CSDC2: variants seen among roughly 807,000 people sequenced by gnomAD.
The protein encoded by CSDC2 is cold shock domain containing C2.
In CSDC2, 8 loss-of-function variants were observed where a neutral mutation model predicts 15.8. The ratio of observed to expected loss-of-function variants is 0.51; its 90% CI spans 0.30 to 0.92. CSDC2 has a LOEUF of 0.92. Ranked by LOEUF, CSDC2 falls within the 40% of genes least tolerant of loss-of-function variation. CSDC2 has a pLI of 0.07. For missense variants in CSDC2, 195 were observed against 213.3 expected (o/e 0.91, Z 0.53); for synonymous variants, 96 against 92.3 (o/e 1.04, Z -0.23).
Position 41,564,293 on chromosome 22 carries a change from T to C in CSDC2, c.-124+3110T>C, listed in dbSNP as rs1459051089. 2.0e-5 allele frequency among the ~76,000 whole-genome samples: 3 copies of C among 150,860 alleles called. No individual in the cohort carries two copies. The Admixed American group carries it at 2.0e-4, about 10-fold the overall frequency. On this transcript the variant is annotated intron_variant, in intron 1 of 3. Transcript: ENST00000306149. ...TATTGTTTTTGAGACAGAGTCTTGCTGTGTCGCCCAGGCTGGAGTGCAGTG... is the reference window on the plus strand; with the variant it reads ...TATTGTTTTTGAGACAGAGTCTTGCCGTGTCGCCCAGGCTGGAGTGCAGTG...
At position 41,571,991 on chromosome 22, in the gene CSDC2, C is replaced by A. The variant is rs1256552202; in HGVS notation, c.26C>A (p.Pro9Gln). 14 of 1,364,188 alleles carry A rather than the reference C, an allele frequency of 1.0e-5. No homozygotes were observed. Among genetic ancestry groups the A allele is most frequent in the East Asian group, 3.0e-5 (1 of 32,872 alleles). The allele number at this position is 1,364,188 out of a possible 1,614,324, so 84.5% of individuals were successfully genotyped here. Residue 9 changes from proline (P) to glutamine (Q), a missense_variant, in exon 2 of 4, where the codon CCA becomes CAA. Coordinates refer to ENST00000306149, the MANE Select transcript of CSDC2 (RefSeq NM_014460.4). MTSESTSP[P>Q]VVPPLHSPKS... ...ATGACTTCAGAGTCGACGTCACCCC[C>A]AGTTGTGCCCCCGCTCCACTCCCCC...
At chr22:41,563,387 A>G (rs1421534432) in intron 1 of CSDC2, among the ~76,000 whole-genome samples, 1 of 152,140 alleles carries the variant, frequency 6.6e-6, no homozygotes, top group African/African-American at 2.4e-5. Context: ...ATGTTCGGGA[A>G]GCCCTTCCAG....
At chr22:41,573,094 C>T (rs2067156557) in intron 2 of CSDC2, among the ~76,000 whole-genome samples, 1 of 152,150 alleles carries the variant, frequency 6.6e-6, no homozygotes, top group South Asian at 2.1e-4. Context: ...CCTGTAATCC[C>T]AGCACTTTGG....
In CSDC2 at chr22:41,575,120, G is replaced by C; in HGVS notation, c.*225G>C. The C allele has an allele frequency of 1.7e-6, 1 of 604,204 alleles. No homozygotes were observed. Among genetic ancestry groups the C allele is most frequent in the Non-Finnish European group, 2.9e-6 (1 of 346,120 alleles). 37.4% of individuals were successfully genotyped at this position (604,204 alleles called of 1,614,324 possible). A position where few individuals can be genotyped will look rare whatever the true frequency, so the allele number is the denominator to read the frequency against. On this transcript the variant is annotated 3_prime_UTR_variant, in exon 4 of 4. Coordinates refer to ENST00000306149, the MANE Select transcript of CSDC2 (RefSeq NM_014460.4). Reference sequence around the variant, plus strand: ...GGCCAGGAGGTAGGTGGAGGGCAAGGCCACCAGACCTGGCTTCGCGCTGTC... The same window carrying C: ...GGCCAGGAGGTAGGTGGAGGGCAAGCCCACCAGACCTGGCTTCGCGCTGTC...
chr22:41,573,838 A>G (rs1052442682), intron 3 of CSDC2, 61 bp downstream of exon 3: 9 of 1,562,386 alleles, frequency 5.8e-6, no homozygotes, highest in South Asian at 3.5e-5. Context: ...TGGTGCCTCA[A>G]AAATGGCTCT....
intron 1 of CSDC2, among the ~76,000 whole-genome samples, chr22:41,570,766 G>A (rs1483178355): frequency 1.4e-5 from 2 of 145,352 alleles, no homozygotes; most frequent in African/African-American, 2.6e-5. Context: ...AAGTGACAGT[G>A]AGCCGAGATC....
Position 41,575,251 on chromosome 22 carries a change from A to G in CSDC2, c.*356A>G, listed in dbSNP as rs2067169372. On this transcript the variant is annotated 3_prime_UTR_variant, in exon 4 of 4. Coordinates refer to ENST00000306149, the MANE Select transcript of CSDC2 (RefSeq NM_014460.4). ...AGCTGCGAGAGCCTGCGCTGGGCTC[A>G]CTCCCTGGCCTCCGCCCCTGAGCTG... is the stretch of plus-strand genomic sequence containing the variant. The G allele has an allele frequency of 6.4e-6, 2 of 313,516 alleles. No individual in the cohort carries two copies. Among genetic ancestry groups the G allele is most frequent in the Non-Finnish European group, 1.2e-5 (2 of 165,692 alleles). The allele number at this position is 313,516 out of a possible 1,614,324, so 19.4% of individuals were successfully genotyped here. A position where few individuals can be genotyped will look rare whatever the true frequency, so the allele number is the denominator to read the frequency against.
intron 1 of CSDC2, among the ~76,000 whole-genome samples, chr22:41,565,723 AC>A (rs1339293223): frequency 9.8e-5 from 15 of 152,342 alleles, no homozygotes; most frequent in Admixed American, 9.8e-4. Context: ...AGGCTGAGTC[AC>A]CACCCAGAGT....
At chr22:41,567,488 C>T (rs2067122215) in intron 1 of CSDC2, among the ~76,000 whole-genome samples, 1 of 152,250 alleles carries the variant, frequency 6.6e-6, no homozygotes, top group African/African-American at 2.4e-5. Flanking sequence ...TTCACTTGCC[C>T]TCTTTGGCAG....
intron 1 of CSDC2, among the ~76,000 whole-genome samples, chr22:41,565,888 C>T (rs2067111181): frequency 6.6e-6 from 1 of 152,188 alleles, no homozygotes; most frequent in African/African-American, 2.4e-5. Flanking sequence ...AAACTCAGGG[C>T]CGGGGGACAG....
intron 1 of CSDC2, among the ~76,000 whole-genome samples, chr22:41,567,516 G>C (rs536468837): frequency 6.6e-6 from 1 of 152,210 alleles, no homozygotes; most frequent in African/African-American, 2.4e-5. Flanking sequence ...CTGGAGAGGG[G>C]GTCTGAACTG....
chr22:41,566,500 G>A (rs941248528), intron 1 of CSDC2, among the ~76,000 whole-genome samples: 3 of 148,664 alleles, frequency 2.0e-5, no homozygotes, highest in Admixed American at 6.8e-5. Context: ...GGTGGTGGGC[G>A]TCTGTAATCC....
chr22:41,573,765 T>C lies in CSDC2; in HGVS notation c.287T>C (p.Val96Ala), dbSNP rs1569049597. 2.5e-6 allele frequency: 4 copies of C among 1,613,372 alleles called. No homozygotes were observed. Among genetic ancestry groups the C allele is most frequent in the East Asian group, 2.2e-5 (1 of 44,844 alleles). The change falls in exon 3 of 4, where the codon GTA becomes GCA. Residue 96 changes from valine (V) to alanine (A), a missense_variant. Transcript: ENST00000306149. ...TPENGSEDIF[V>A]HVSDIEGEYV... ...GAGAACGGGTCCGAGGACATCTTCG[T>C]ACATGTGTCTGAGTGAGTCCCCTCC... is the stretch of plus-strand genomic sequence containing the variant.
At chr22:41,572,363 C>CCCACCCATCCATCCATCCATCCAT (rs2067150003) in intron 2 of CSDC2, among the ~76,000 whole-genome samples, 6 of 50,850 alleles carry the variant, frequency 1.2e-4, no homozygotes, top group South Asian at 7.7e-4. Context: ...CACCCACCCA[C>CCCACCCATCCATCCATCCATCCAT]CCACCCACCC....
rs1469057327 is a variant in CSDC2 at position 41,561,765 on chromosome 22, AC to A, written c.-124+586del. Among the ~76,000 whole-genome samples, 13 of 152,166 alleles carry A rather than the reference AC, an allele frequency of 8.5e-5. No individual in the cohort carries two copies. In the South Asian group the frequency reaches 1.9e-3, roughly 22 times the overall value. ...ATTCTCTTCCCCCAGGTACCACCCC[AC>A]CCCGAGCCCTTGCTTCTTGCCTGCC... On this transcript the variant is annotated intron_variant, in intron 1 of 3. Transcript: ENST00000306149.
At chr22:41,569,252 CT>C (rs1000339302) in intron 1 of CSDC2, among the ~76,000 whole-genome samples, 1 of 152,176 alleles carries the variant, frequency 6.6e-6, no homozygotes, top group African/African-American at 2.4e-5. Flanking sequence ...GCCCCGTCTT[CT>C]TTTTTTTGGT....
At chr22:41,569,000 C>T (rs751315998) in intron 1 of CSDC2, among the ~76,000 whole-genome samples, 1 of 152,264 alleles carries the variant, frequency 6.6e-6, no homozygotes, top group African/African-American at 2.4e-5. Context: ...CCTCTCCATC[C>T]TCCTCTTCCC....
intron 3 of CSDC2, 35 bp downstream of exon 3, chr22:41,573,812 G>A: frequency 6.3e-7 from 1 of 1,595,540 alleles, no homozygotes; most frequent in South Asian, 1.1e-5. Flanking sequence ...CTTGGCCCCT[G>A]CCCTAGTGTC....
At chr22:41,573,549 T>A in intron 2 of CSDC2, 106 bp from the exon 3 acceptor site, 2 of 1,373,944 alleles carry the variant, frequency 1.5e-6, no homozygotes, top group East Asian at 4.8e-5. Context: ...GGGTCAAGTT[T>A]CTCACAGCCC....
Sources: gnomAD v4.1 joint callset for allele counts (sites outside exome capture counted in the v4.1 genomes callset) on GRCh38, gnomAD v4.1.1 for gene constraint, MANE v1.5 for transcripts, NCBI Gene and HGNC (gene_info 2026-07-23, HGNC 2026-07-21) for gene names.